The following TESMIN variants were observed in gnomAD, a reference collection of about 807,000 sequenced individuals.
TESMIN encodes testis expressed metallothionein like protein, also known as CXC domain containing 2.
A neutral mutation model predicts 47.4 loss-of-function variants in TESMIN; 34 were observed. The observed-to-expected ratio is 0.72, with a 90% CI of 0.55 to 0.96. The LOEUF is 0.96. Ranked by LOEUF, TESMIN falls within the 40% of genes least tolerant of loss-of-function variation. The pLI is 0.00. For synonymous variants in TESMIN, 278 were observed against 258.9 expected (o/e 1.07, Z -0.71); for missense variants, 610 against 637.2 (o/e 0.96, Z 0.46).
chr11:68,730,514 G>T (rs1946314217), intron 6 of TESMIN, among the ~76,000 whole-genome samples: 1 of 152,186 alleles, frequency 6.6e-6, no homozygotes, highest in Non-Finnish European at 1.5e-5. Context: ...TAAAAATCTG[G>T]CTGGGCGCAG....
chr11:68,721,968 T>C (rs1946208796), intron 6 of TESMIN, among the ~76,000 whole-genome samples: 1 of 152,210 alleles, frequency 6.6e-6, no homozygotes, highest in African/African-American at 2.4e-5. Context: ...ATTCCACTTC[T>C]GGGTATGTAC....
intron 4 of TESMIN, among the ~76,000 whole-genome samples, chr11:68,743,841 T>C (rs1029315370): frequency 9.2e-5 from 14 of 152,304 alleles, no homozygotes; most frequent in African/African-American, 3.1e-4. Flanking sequence ...TGATGTTTAA[T>C]ATGTGCACAG....
chr11:68,744,212 G>A (rs1259963879), intron 4 of TESMIN, among the ~76,000 whole-genome samples: 1 of 152,174 alleles, frequency 6.6e-6, no homozygotes, highest in African/African-American at 2.4e-5. Context: ...ACTACATCTG[G>A]ATTTGCTATT....
chr11:68,750,475 G>C lies in TESMIN; in HGVS notation c.186C>G (p.Pro62=). The change falls in exon 2 of 10, where the codon CCC becomes CCG. Residue 62 remains proline (P), a synonymous_variant. Coordinates refer to ENST00000255087, the MANE Select transcript of TESMIN (RefSeq NM_004923.3). ...AYLGPADPKE[P]VLHAFNPALG... is the part of the protein sequence containing the mutation. Reference sequence around the variant, plus strand: ...GCGCGGGGTTGAACGCGTGCAGGACGGGTTCCTTGGGGTCCGCCGGGCCCA... The same window carrying C: ...GCGCGGGGTTGAACGCGTGCAGGACCGGTTCCTTGGGGTCCGCCGGGCCCA... The C allele has an allele frequency of 6.2e-7, 1 of 1,601,044 alleles. No homozygotes were observed. Among genetic ancestry groups the C allele is most frequent in the Non-Finnish European group, 8.5e-7 (1 of 1,174,418 alleles).
chr11:68,743,333 C>A (rs1310730208), intron 4 of TESMIN, among the ~76,000 whole-genome samples: 1 of 151,098 alleles, frequency 6.6e-6, no homozygotes, highest in Non-Finnish European at 1.5e-5. Flanking sequence ...CAGCCTCAAC[C>A]TTCTGGCCTC....
At chr11:68,740,197 G>A (rs1946439762) in intron 5 of TESMIN, among the ~76,000 whole-genome samples, 1 of 152,130 alleles carries the variant, frequency 6.6e-6, no homozygotes, top group Admixed American at 6.6e-5. Context: ...GGTTTGGGGT[G>A]GAACCTGAGG....
intron 7 of TESMIN, among the ~76,000 whole-genome samples, chr11:68,713,711 A>G (rs981726573): frequency 6.6e-6 from 1 of 152,212 alleles, no homozygotes; most frequent in African/African-American, 2.4e-5. Flanking sequence ...GTGTGGACAC[A>G]TTTCCATCCA....
intron 6 of TESMIN, chr11:68,736,412 A>G: frequency 1.0e-6 from 1 of 985,442 alleles, no homozygotes; most frequent in Non-Finnish European, 1.2e-6. Context: ...TGGCCTCTAT[A>G]GGTTAGATAT....
intron 6 of TESMIN, among the ~76,000 whole-genome samples, chr11:68,726,742 G>A (rs995493469): frequency 3.3e-5 from 5 of 151,844 alleles, no homozygotes; most frequent in African/African-American, 1.2e-4. Context: ...AAAAGGCCAC[G>A]TGAAGAAACA....
chr11:68,739,896 T>C (rs1946436217), intron 5 of TESMIN, among the ~76,000 whole-genome samples: 1 of 152,188 alleles, frequency 6.6e-6, no homozygotes. Flanking sequence ...AGAAAGGATG[T>C]CATAGTTCTC....
At chr11:68,711,434 C>A (rs1946070371) in intron 8 of TESMIN, among the ~76,000 whole-genome samples, 1 of 99,628 alleles carries the variant, frequency 1.0e-5, no homozygotes, top group Non-Finnish European at 2.2e-5. Flanking sequence ...TGAATGTGTG[C>A]GTTTGAGAGT....
At chr11:68,717,171 A>G (rs1946149831) in intron 6 of TESMIN, among the ~76,000 whole-genome samples, 1 of 152,254 alleles carries the variant, frequency 6.6e-6, no homozygotes, top group South Asian at 2.1e-4. Flanking sequence ...TTATTTTCAT[A>G]TTTTAAAATA....
At chr11:68,731,221 G>A (rs1946322973) in intron 6 of TESMIN, among the ~76,000 whole-genome samples, 2 of 152,110 alleles carry the variant, frequency 1.3e-5, no homozygotes, top group Admixed American at 6.5e-5. Flanking sequence ...TTTCCATGGA[G>A]CCTTGACTGT....
At chr11:68,732,369 C>T (rs1164506317) in intron 6 of TESMIN, among the ~76,000 whole-genome samples, 2 of 152,218 alleles carry the variant, frequency 1.3e-5, no homozygotes, top group Admixed American at 6.5e-5. Context: ...AGAGTCATCT[C>T]GTTTCCAAGT....
At chr11:68,706,219 G>C (rs1242100170), downstream of TESMIN, among the ~76,000 whole-genome samples, 1 of 152,192 alleles carries the variant, frequency 6.6e-6, no homozygotes, top group Non-Finnish European at 1.5e-5. Flanking sequence ...ATGCACGTCT[G>C]TATCTCGGCT....
At chr11:68,738,274 G>A (rs1946411603) in intron 6 of TESMIN, 1 of 998,944 alleles carries the variant, frequency 1.0e-6, no homozygotes, top group Non-Finnish European at 1.2e-6. Context: ...CAGCATGGAA[G>A]GCAGCGGGCG....
rs1946019307 is a variant in TESMIN, at chr11:68,708,211, G to GT, written c.*96dup. On this transcript the variant is annotated 3_prime_UTR_variant, in exon 10 of 10. Transcript: ENST00000255087. ...CCCAGGGATGCAGGGGAGCCTGGTT[G>GT]TTGCTGCAGAGCCAGCCTCATGTTC... 1 of 1,240,096 alleles carries GT rather than the reference G, an allele frequency of 8.1e-7. No homozygotes were observed. The highest frequency in any genetic ancestry group is 1.1e-6 in the Non-Finnish European group (1 of 887,462). 76.8% of individuals were successfully genotyped at this position (1,240,096 alleles called of 1,614,324 possible).
intron 8 of TESMIN, among the ~76,000 whole-genome samples, chr11:68,712,412 A>T (rs1946083938): frequency 1.3e-5 from 2 of 152,162 alleles, no homozygotes; most frequent in African/African-American, 4.8e-5. Flanking sequence ...AATCAGGTGG[A>T]CTGTTCTCAA....
Position 68,713,342 on chromosome 11 carries a change from G to A in TESMIN, c.1086C>T (p.Val362=). 2 of 1,614,132 alleles carry A rather than the reference G, an allele frequency of 1.2e-6. No individual in the cohort carries two copies. The highest frequency in any genetic ancestry group is 1.7e-6 in the Non-Finnish European group (2 of 1,180,010). The change falls in exon 8 of 10, where the codon GTC becomes GTT. Residue 362 remains valine, a synonymous_variant. Coordinates refer to ENST00000255087, the MANE Select transcript of TESMIN (RefSeq NM_004923.3). ...PKIGKGQLGN[V]KPQHNKGCNC... is the part of the protein sequence containing the mutation. ...TGCACCCTTTGTTGTGCTGGGGCTT[G>A]ACATTGCCCAATTGGCCCTTCCCAA...
Sources: gnomAD v4.1 joint callset for allele counts (sites outside exome capture counted in the v4.1 genomes callset) on GRCh38, gnomAD v4.1.1 for gene constraint, MANE v1.5 for transcripts, NCBI Gene and HGNC (gene_info 2026-07-23, HGNC 2026-07-21) for gene names.